Variants in GNPTAB observed in about 807,000 individuals in gnomAD.
GNPTAB encodes N-acetylglucosamine-1-phosphotransferase subunits alpha/beta.
Under a neutral mutation model 136.6 loss-of-function variants are expected in GNPTAB, and 92 were observed. The ratio of observed to expected loss-of-function variants is 0.67; its 90% CI spans 0.57 to 0.80. GNPTAB has a LOEUF of 0.80. Among genes scored for constraint, GNPTAB ranks in the 30% least tolerant of loss-of-function variants. GNPTAB has a pLI of 0.00. For missense variants in GNPTAB, 1,343 were observed against 1,501.8 expected, an observed-to-expected ratio of 0.89 and a Z score of 1.75; for synonymous variants, 512 against 535.1, an observed-to-expected ratio of 0.96 and a Z score of 0.60.
At chr12:101,788,688 A>G (rs1868813004) in intron 3 of GNPTAB, 99 bp from the exon 4 acceptor site, 1 of 734,738 alleles carries the variant, frequency 1.4e-6, no homozygotes, top group Non-Finnish European at 2.5e-6. Context: ...TTCATATTTT[A>G]TTAGTAAAAC....
intron 4 of GNPTAB, 87 bp from the exon 5 acceptor site, chr12:101,786,304 A>AT (rs372269757): frequency 9.9e-6 from 10 of 1,013,166 alleles, no homozygotes; most frequent in Admixed American, 2.1e-5. Flanking sequence ...AATTTTTCAG[A>AT]TTTTTTTATA....
chr12:101,812,017 C>T (rs1380036271), intron 1 of GNPTAB, among the ~76,000 whole-genome samples: 7 of 149,586 alleles, frequency 4.7e-5, no homozygotes, highest in South Asian at 4.3e-4. Flanking sequence ...TTTGGGAGGC[C>T]GAGGTGGGCA....
chr12:101,759,804 T>G lies in GNPTAB; in HGVS notation c.3249+226A>C, dbSNP rs546023429. On this transcript the variant is annotated intron_variant, in intron 16 of 20. Transcript: ENST00000299314. ...ACCCTTAGTAAACAGGACATCCGCT[T>G]ATGGAATATAAGCAACAAATCCAAA... is the stretch of plus-strand genomic sequence containing the variant. 3.9e-5 allele frequency among the ~76,000 whole-genome samples: 6 copies of G among 152,326 alleles called. No individual in the cohort carries two copies. In the South Asian group the frequency reaches 1.2e-3, roughly 32 times the overall value.
In GNPTAB at chr12:101,780,253, T is replaced by G; in HGVS notation, c.670A>C (p.Met224Leu). ...CCACTCAGGAAAGCCAAATCTTGCATTAGCACTAATCCAGGGACTTCTTTA... is the reference window on the plus strand; with the variant it reads ...CCACTCAGGAAAGCCAAATCTTGCAGTAGCACTAATCCAGGGACTTCTTTA... ...TDKEVPGLVLMQDLAFLSGFP... is the reference protein window; with the variant it reads ...TDKEVPGLVLLQDLAFLSGFP... The change falls in exon 7 of 21, where the codon ATG (methionine) becomes CTG (leucine). Residue 224 changes from methionine (M) to leucine (L), a missense_variant. By Grantham distance (15) the Met-to-Leu change is conservative. Transcript: ENST00000299314. 2 of 1,613,880 alleles carry G rather than the reference T, an allele frequency of 1.2e-6. No individual in the cohort carries two copies. The highest frequency in any genetic ancestry group is 1.7e-6 in the Non-Finnish European group (2 of 1,179,742).
chr12:101,814,727 A>G (rs1302579875), intron 1 of GNPTAB, among the ~76,000 whole-genome samples: 4 of 152,224 alleles, frequency 2.6e-5, no homozygotes, highest in Non-Finnish European at 5.9e-5. Context: ...TTAAAAATAA[A>G]TAAAGCCATT....
rs549399956 is a variant in GNPTAB, at chr12:101,816,016, C to G, written c.117+14543G>C. On this transcript the variant is annotated intron_variant, in intron 1 of 20. Transcript: ENST00000299314. ...CATATGCAGAAGAATGAAACTGGAC[C>G]CCTACCTCTCACCACATACAAAACT... 1.5e-3 allele frequency among the ~76,000 whole-genome samples: 221 copies of G among 152,202 alleles called. 3 individuals carry two copies. The South Asian group carries it at 0.045, about 31-fold the overall frequency.
chr12:101,767,900 A>G (rs1290555194), intron 11 of GNPTAB, 137 bp downstream of exon 11: 4 of 993,582 alleles, frequency 4.0e-6, no homozygotes, highest in South Asian at 2.7e-5. Context: ...TATAAGCATG[A>G]GCCACCATGC....
At chr12:101,755,484 A>C (rs1483175317) in intron 18 of GNPTAB, among the ~76,000 whole-genome samples, 2 of 152,300 alleles carry the variant, frequency 1.3e-5, no homozygotes, top group East Asian at 3.9e-4. Context: ...GGGCATTTGG[A>C]GGCAACTGGG....
chr12:101,799,528 G>C (rs1869487271), intron 1 of GNPTAB, among the ~76,000 whole-genome samples: 1 of 152,182 alleles, frequency 6.6e-6, no homozygotes, highest in Admixed American at 6.5e-5. Flanking sequence ...GGAAGGGACA[G>C]GCTGACTCTA....
At chr12:101,822,907 T>C (rs565617867) in intron 1 of GNPTAB, among the ~76,000 whole-genome samples, 4 of 152,340 alleles carry the variant, frequency 2.6e-5, no homozygotes, top group Admixed American at 2.0e-4. Flanking sequence ...GCCAGCTGCC[T>C]ACCCAGCATC....
intron 1 of GNPTAB, among the ~76,000 whole-genome samples, chr12:101,810,128 A>T (rs1267697651): frequency 6.6e-6 from 1 of 151,818 alleles, no homozygotes; most frequent in Non-Finnish European, 1.5e-5. Context: ...GTGCCTGTAC[A>T]CCCAGCTACT....
intron 5 of GNPTAB, among the ~76,000 whole-genome samples, chr12:101,783,239 A>G (rs1279375843): frequency 2.0e-5 from 3 of 152,010 alleles, no homozygotes; most frequent in African/African-American, 7.2e-5. Flanking sequence ...AGCACTCATT[A>G]AACAGACAGT....
At chr12:101,828,914 A>G (rs937473175) in intron 1 of GNPTAB, among the ~76,000 whole-genome samples, 2 of 152,256 alleles carry the variant, frequency 1.3e-5, no homozygotes, top group African/African-American at 2.4e-5. Context: ...TAAGACCAAT[A>G]TAAGTATTAG....
rs200931892 is a variant in GNPTAB at position 101,765,270 on chromosome 12, G to A, written c.1647C>T (p.Leu549=). 8.7e-5 allele frequency: 140 copies of A among 1,613,182 alleles called. No individual in the cohort carries two copies. Among genetic ancestry groups the A allele is most frequent in the Non-Finnish European group, 1.2e-4 (139 of 1,179,252 alleles). Residue 549 remains leucine, a synonymous_variant, in exon 13 of 21, where the codon CTC becomes CTT. Coordinates refer to ENST00000299314, the MANE Select transcript of GNPTAB (RefSeq NM_024312.5). The part of the protein sequence containing the change: ...HFHELYKVIL[L]PNQTHYIIPK... ...GAATAATATAGTGAGTCTGGTTTGG[G>A]AGAAGGATCACTTTATACAATTCAT...
intron 2 of GNPTAB, among the ~76,000 whole-genome samples, chr12:101,792,957 A>G (rs1869075975): frequency 6.6e-6 from 1 of 152,150 alleles, no homozygotes; most frequent in Admixed American, 6.5e-5. Context: ...TTTTCTCACA[A>G]GCTCTCAGGT....
intron 1 of GNPTAB, among the ~76,000 whole-genome samples, chr12:101,826,162 A>G (rs2137192372): frequency 6.6e-6 from 1 of 152,364 alleles, no homozygotes; most frequent in Middle Eastern, 3.4e-3. Flanking sequence ...TTTCACAGAA[A>G]ATAACTCATT....
At chr12:101,808,063 T>G (rs1382714986) in intron 1 of GNPTAB, among the ~76,000 whole-genome samples, 1 of 152,158 alleles carries the variant, frequency 6.6e-6, no homozygotes, top group Non-Finnish European at 1.5e-5. Context: ...AAAATATGTA[T>G]GAATATGTAT....
In GNPTAB at chr12:101,751,460, C is replaced by A. The variant is rs565701282; in HGVS notation, c.3602+1912G>T. Among the ~76,000 whole-genome samples the A allele has an allele frequency of 5.3e-5, 8 of 152,234 alleles. No homozygotes were observed. In the East Asian group the frequency reaches 1.5e-3, roughly 29 times the overall value. Reference sequence around the variant, plus strand: ...ATCTTAGTATTCCTAGCACCTGGCACAGAGAGGCAAGCAAAGGGTCAAAAA... The same window carrying A: ...ATCTTAGTATTCCTAGCACCTGGCAAAGAGAGGCAAGCAAAGGGTCAAAAA... On this transcript the variant is annotated intron_variant, in intron 19 of 20. Coordinates refer to ENST00000299314, the MANE Select transcript of GNPTAB (RefSeq NM_024312.5).
intron 11 of GNPTAB, chr12:101,767,813 T>G: frequency 1.6e-6 from 1 of 638,152 alleles, no homozygotes; most frequent in Non-Finnish European, 2.8e-6. Flanking sequence ...AGATGGGGTC[T>G]TACTATGTTG....
Sources: allele counts gnomAD v4.1 joint callset (sites outside exome capture counted in the v4.1 genomes callset), GRCh38; gene constraint gnomAD v4.1.1; transcripts MANE v1.5; gene names NCBI Gene and HGNC (gene_info 2026-07-23, HGNC 2026-07-21).